The following RAB3GAP2 variants were observed in gnomAD, a reference collection of about 807,000 sequenced individuals.
The protein encoded by RAB3GAP2 is rab3 GTPase-activating protein non-catalytic subunit.
In RAB3GAP2, 87 loss-of-function variants were observed where a neutral mutation model predicts 185.3. That is an observed-to-expected ratio of 0.47 (90% confidence interval 0.39 to 0.56). The LOEUF (loss-of-function observed/expected upper bound fraction) is 0.56. Among genes scored for constraint, RAB3GAP2 ranks in the 20% least tolerant of loss-of-function variants. RAB3GAP2 has a pLI of 0.00. For missense variants in RAB3GAP2, 1,492 were observed against 1,638.2 expected, an observed-to-expected ratio of 0.91 and a Z score of 1.54; for synonymous variants, 554 against 576.1, an observed-to-expected ratio of 0.96 and a Z score of 0.55.
chr1:220,152,222 C>T (rs1345226650), intron 33 of RAB3GAP2, among the ~76,000 whole-genome samples: 1 of 152,180 alleles, frequency 6.6e-6, no homozygotes, highest in Non-Finnish European at 1.5e-5. Flanking sequence ...ATTACAGGCA[C>T]ATGCCACCAC....
intron 2 of RAB3GAP2, among the ~76,000 whole-genome samples, chr1:220,229,542 C>T (rs558318681): frequency 6.6e-6 from 1 of 152,296 alleles, no homozygotes; most frequent in South Asian, 2.1e-4. Context: ...GTCTGTGGCA[C>T]ATTATGACTA....
chr1:220,222,286 A>AG (rs1305586959), intron 2 of RAB3GAP2, among the ~76,000 whole-genome samples: 52 of 152,292 alleles, frequency 3.4e-4, no homozygotes, highest in South Asian at 6.2e-4. Context: ...TTTAGATAGC[A>AG]GAACTTTGTA....
chr1:220,205,810 C>G (rs1365500532), intron 8 of RAB3GAP2, 97 bp downstream of exon 8: 1 of 903,238 alleles, frequency 1.1e-6, no homozygotes, highest in African/African-American at 1.7e-5. Flanking sequence ...GTTCAGAAGG[C>G]CTTTTTTATT....
intron 17 of RAB3GAP2, 68 bp from the exon 18 acceptor site, chr1:220,185,809 T>G: frequency 8.0e-7 from 1 of 1,255,392 alleles, no homozygotes. Flanking sequence ...AATCTTATAT[T>G]TATGCCCAAA....
intron 13 of RAB3GAP2, among the ~76,000 whole-genome samples, chr1:220,192,345 T>G (rs1490236672): frequency 8.3e-6 from 1 of 120,346 alleles, no homozygotes; most frequent in African/African-American, 3.9e-5. Context: ...CCAGAGTAAT[T>G]GAATGACCTC....
rs566802487 is a variant in RAB3GAP2, at chr1:220,186,400, T to G, written c.1780-659A>C. Among the ~76,000 whole-genome samples the G allele has an allele frequency of 5.3e-5, 8 of 152,346 alleles. No homozygotes were observed. In the South Asian group the frequency reaches 1.7e-3, roughly 32 times the overall value. The stretch of plus-strand genomic sequence containing the variant: ...TAGTTCAAAAAGTAGGCTGAGAATG[T>G]GGGATAAGACAAATATCCGATCATA... On this transcript the variant is annotated intron_variant, in intron 17 of 34. Coordinates refer to ENST00000358951, the MANE Select transcript of RAB3GAP2 (RefSeq NM_012414.4).
chr1:220,213,789 C>A (rs1472150432), intron 3 of RAB3GAP2, 67 bp downstream of exon 3: 1 of 1,503,552 alleles, frequency 6.7e-7, no homozygotes, highest in South Asian at 1.1e-5. Flanking sequence ...ATTCTTTTCA[C>A]CTAATCCATT....
chr1:220,168,130 T>C (rs952361277), intron 24 of RAB3GAP2, among the ~76,000 whole-genome samples: 21 of 152,200 alleles, frequency 1.4e-4, no homozygotes, highest in African/African-American at 5.1e-4. Flanking sequence ...TCATGCTTTG[T>C]TGCTTAGGCT....
intron 1 of RAB3GAP2, among the ~76,000 whole-genome samples, chr1:220,256,959 C>T (rs572786175): frequency 6.6e-6 from 1 of 152,300 alleles, no homozygotes; most frequent in East Asian, 1.9e-4. Context: ...TTCTCACCAC[C>T]ACATGACACT....
At chr1:220,202,680 T>A (rs887621595) in intron 8 of RAB3GAP2, among the ~76,000 whole-genome samples, 1 of 152,114 alleles carries the variant, frequency 6.6e-6, no homozygotes, top group Non-Finnish European at 1.5e-5. Context: ...TGGTGGCTCA[T>A]GCCTGTAATC....
intron 1 of RAB3GAP2, chr1:220,267,212 A>G: frequency 1.1e-6 from 1 of 918,974 alleles, no homozygotes; most frequent in South Asian, 1.3e-5. Context: ...TCTGTGATAT[A>G]AGTAGCAGTT....
chr1:220,249,156 CAGA>C (rs770829077), intron 1 of RAB3GAP2, among the ~76,000 whole-genome samples: 2 of 152,104 alleles, frequency 1.3e-5, no homozygotes, highest in Non-Finnish European at 2.9e-5. Context: ...TTAGAGGGCT[CAGA>C]AGAAGACAGG....
At chr1:220,228,704 C>G (rs970259985) in intron 2 of RAB3GAP2, among the ~76,000 whole-genome samples, 1 of 152,178 alleles carries the variant, frequency 6.6e-6, no homozygotes, top group African/African-American at 2.4e-5. Flanking sequence ...ACACATGACC[C>G]ATGACAAGGT....
In RAB3GAP2 at chr1:220,151,181, A is replaced by G; in HGVS notation, c.*70T>C. ...CTTTTCCCATAAAATTCCAGGTCTTACTATGTAAAATAACCATGCACTACT... is the reference window on the plus strand; with the variant it reads ...CTTTTCCCATAAAATTCCAGGTCTTGCTATGTAAAATAACCATGCACTACT... On this transcript the variant is annotated 3_prime_UTR_variant, in exon 35 of 35. Transcript: ENST00000358951. 1 of 1,470,822 alleles carries G rather than the reference A, an allele frequency of 6.8e-7. No homozygotes were observed. The highest frequency in any genetic ancestry group is 9.4e-7 in the Non-Finnish European group (1 of 1,060,634). 91.1% of individuals were successfully genotyped at this position (1,470,822 alleles called of 1,614,324 possible).
chr1:220,205,316 A>T (rs1198314282), intron 8 of RAB3GAP2, among the ~76,000 whole-genome samples: 1 of 152,118 alleles, frequency 6.6e-6, no homozygotes, highest in Non-Finnish European at 1.5e-5. Flanking sequence ...TATATATATT[A>T]AGTTTAGGCC....
At chr1:220,184,398 A>G (rs1258596305) in intron 18 of RAB3GAP2, among the ~76,000 whole-genome samples, 1 of 152,146 alleles carries the variant, frequency 6.6e-6, no homozygotes, top group Non-Finnish European at 1.5e-5. Context: ...ATAAAAAAGG[A>G]AGCGGAAATA....
chr1:220,198,456 A>G (rs769208059), intron 9 of RAB3GAP2, among the ~76,000 whole-genome samples: 1 of 152,186 alleles, frequency 6.6e-6, no homozygotes, highest in Non-Finnish European at 1.5e-5. Flanking sequence ...AGTATTATTT[A>G]AAGTGTTTTT....
intron 1 of RAB3GAP2, among the ~76,000 whole-genome samples, chr1:220,235,711 T>C (rs564587996): frequency 7.9e-5 from 12 of 152,296 alleles, no homozygotes; most frequent in South Asian, 2.1e-4. Flanking sequence ...CATATTGGTA[T>C]AAAAAGTACC....
chr1:220,159,180 T>C (rs1413578754), intron 29 of RAB3GAP2, among the ~76,000 whole-genome samples: 1 of 152,216 alleles, frequency 6.6e-6, no homozygotes, highest in Non-Finnish European at 1.5e-5. Flanking sequence ...TTTAATATGC[T>C]ATCTAACAAT....
Sources: allele counts gnomAD v4.1 joint callset (sites outside exome capture counted in the v4.1 genomes callset), GRCh38; gene constraint gnomAD v4.1.1; transcripts MANE v1.5; gene names NCBI Gene and HGNC (gene_info 2026-07-23, HGNC 2026-07-21).